The following RPTOR variants were observed in gnomAD, a reference collection of about 807,000 sequenced individuals.
RPTOR encodes the protein regulatory associated protein of MTOR complex 1.
RPTOR carries 21 observed loss-of-function variants against 169.9 expected under a neutral mutation model. The ratio of observed to expected loss-of-function variants is 0.12; its 90% CI spans 0.09 to 0.18. The LOEUF (loss-of-function observed/expected upper bound fraction) is 0.18, where lower values mean the gene tolerates loss of function less well. RPTOR is among the 10% of genes least tolerant of loss of function. The pLI is 1.00. For missense variants in RPTOR, 1,133 were observed against 1,855.9 expected (o/e 0.61, Z 7.16); for synonymous variants, 732 against 753.2 (o/e 0.97, Z 0.46).
intron 17 of RPTOR, among the ~76,000 whole-genome samples, chr17:80,888,331 G>A (rs540250613): frequency 5.9e-5 from 9 of 152,252 alleles, no homozygotes; most frequent in Admixed American, 5.9e-4. Flanking sequence ...CCCCAGGCTG[G>A]CCTCAAATTC....
chr17:80,893,380 G>A (rs2068354687), intron 19 of RPTOR, among the ~76,000 whole-genome samples: 1 of 145,748 alleles, frequency 6.9e-6, no homozygotes, highest in Non-Finnish European at 1.5e-5. Flanking sequence ...GTGCACAAGG[G>A]TGTGTGCATG....
chr17:80,661,346 G>C (rs975905724), intron 3 of RPTOR, among the ~76,000 whole-genome samples: 1 of 152,200 alleles, frequency 6.6e-6, no homozygotes, highest in African/African-American at 2.4e-5. Flanking sequence ...TTGCAGAGTC[G>C]GAGCCGGAGA....
chr17:80,801,923 G>A (rs745553475), intron 7 of RPTOR: 14 of 152,208 alleles, frequency 9.2e-5, no homozygotes, highest in Non-Finnish European at 1.6e-4. Context: ...CAGGGCGCAC[G>A]GTGCTGCACG....
intron 20 of RPTOR, among the ~76,000 whole-genome samples, chr17:80,905,794 T>G (rs535986396): frequency 6.6e-6 from 1 of 152,278 alleles, no homozygotes; most frequent in Non-Finnish European, 1.5e-5. Flanking sequence ...CCTCGCAGTC[T>G]GCCAGGGCCG....
chr17:80,669,062 C>T (rs1243590656), intron 3 of RPTOR, among the ~76,000 whole-genome samples: 3 of 152,170 alleles, frequency 2.0e-5, no homozygotes, highest in Non-Finnish European at 2.9e-5. Context: ...ACACGCTTGC[C>T]GGAGGCCAGG....
chr17:80,743,020 GTGTT>G (rs1275573374), intron 5 of RPTOR, among the ~76,000 whole-genome samples: 1 of 152,134 alleles, frequency 6.6e-6, no homozygotes, highest in Non-Finnish European at 1.5e-5. Flanking sequence ...TTTCTAATTG[GTGTT>G]TGTTTTAGAA....
intron 3 of RPTOR, among the ~76,000 whole-genome samples, chr17:80,657,526 A>C (rs1471982336): frequency 6.6e-6 from 1 of 151,988 alleles, no homozygotes; most frequent in Non-Finnish European, 1.5e-5. Flanking sequence ...CAGTGTGAAT[A>C]TGTTGCTTTC....
At chr17:80,793,056 C>G (rs1430713424) in intron 7 of RPTOR, among the ~76,000 whole-genome samples, 5 of 152,148 alleles carry the variant, frequency 3.3e-5, no homozygotes, top group Non-Finnish European at 1.5e-5. Flanking sequence ...AGCGATCCTC[C>G]CACCTCCGCT....
chr17:80,654,410 A>G (rs543386504), intron 3 of RPTOR, among the ~76,000 whole-genome samples: 1 of 152,330 alleles, frequency 6.6e-6, no homozygotes, highest in East Asian at 1.9e-4. Flanking sequence ...GGCGCAGTCC[A>G]CTGCCTTCCC....
At chr17:80,876,841 C>T (rs12950874) in intron 13 of RPTOR, among the ~76,000 whole-genome samples, 2 of 135,968 alleles carry the variant, frequency 1.5e-5, no homozygotes, top group African/African-American at 5.6e-5. Flanking sequence ...CCACCGAGCC[C>T]GTGCCACACA....
At chr17:80,673,020 G>A (rs1003417687) in intron 3 of RPTOR, among the ~76,000 whole-genome samples, 11 of 152,140 alleles carry the variant, frequency 7.2e-5, no homozygotes, top group Non-Finnish European at 1.5e-4. Context: ...TCCACCTCCC[G>A]GGTTCAAGCG....
chr17:80,908,224 C>G (rs1295955438), intron 20 of RPTOR, among the ~76,000 whole-genome samples: 1 of 152,194 alleles, frequency 6.6e-6, no homozygotes, highest in Non-Finnish European at 1.5e-5. Context: ...GAGTATGCAG[C>G]ACAGAACCTT....
At chr17:80,951,451 T>G (rs1598421340) in intron 28 of RPTOR, among the ~76,000 whole-genome samples, 1 of 152,158 alleles carries the variant, frequency 6.6e-6, no homozygotes, top group Non-Finnish European at 1.5e-5. Flanking sequence ...AGAACGAGGC[T>G]CTCACTGCGG....
chr17:80,847,194 C>T (rs2067741629), intron 11 of RPTOR, among the ~76,000 whole-genome samples: 2 of 152,248 alleles, frequency 1.3e-5, no homozygotes, highest in African/African-American at 2.4e-5. Context: ...TTTTGGGGCA[C>T]GTCCTTCAGA....
chr17:80,709,490 G>A (rs550638877), intron 4 of RPTOR, among the ~76,000 whole-genome samples: 67 of 152,352 alleles, frequency 4.4e-4, no homozygotes, highest in Non-Finnish European at 6.3e-4. Context: ...TCCGCAGTGC[G>A]CTTTGCTCAC....
intron 25 of RPTOR, among the ~76,000 whole-genome samples, chr17:80,940,839 T>G (rs575664612): frequency 6.6e-6 from 1 of 150,806 alleles, no homozygotes; most frequent in Admixed American, 6.6e-5. Context: ...AGGGGCCGGG[T>G]GGGAACCCAG....
chr17:80,613,385 A>G (rs1432685557), intron 1 of RPTOR, among the ~76,000 whole-genome samples: 1 of 152,246 alleles, frequency 6.6e-6, no homozygotes, highest in Non-Finnish European at 1.5e-5. Context: ...CATCTTGTTC[A>G]TCAGGGCACC....
intron 13 of RPTOR, among the ~76,000 whole-genome samples, chr17:80,877,962 C>T (rs7217762): frequency 0.23 from 35,360 of 152,076 alleles, 4,338 homozygotes; most frequent in African/African-American, 0.29. Flanking sequence ...TGAGAAATGG[C>T]GGGGTTAGGG....
intron 1 of RPTOR, among the ~76,000 whole-genome samples, chr17:80,580,996 A>T (rs2065008804): frequency 6.6e-6 from 1 of 152,134 alleles, no homozygotes; most frequent in Non-Finnish European, 1.5e-5. Context: ...TTCCTCTTCC[A>T]ACCTAGAGGA....
Sources: gnomAD v4.1 joint callset for allele counts (sites outside exome capture counted in the v4.1 genomes callset) on GRCh38, gnomAD v4.1.1 for gene constraint, MANE v1.5 for transcripts, NCBI Gene and HGNC (gene_info 2026-07-23, HGNC 2026-07-21) for gene names.